The following CPVL variants were observed in gnomAD, a reference collection of about 807,000 sequenced individuals.
The protein encoded by CPVL is carboxypeptidase vitellogenic like.
Under a neutral mutation model 63.7 loss-of-function variants are expected in CPVL, and 51 were observed. The ratio of observed to expected loss-of-function variants is 0.80; its 90% confidence interval spans 0.64 to 1.01. CPVL has a LOEUF of 1.01. Among genes scored for constraint, CPVL ranks in the 50% least tolerant of loss-of-function variants. The pLI is 0.00. For synonymous variants in CPVL, 195 were observed against 206.0 expected, an observed-to-expected ratio of 0.95 and a Z score of 0.46; for missense variants, 530 against 573.1, an observed-to-expected ratio of 0.92 and a Z score of 0.77.
chr7:29,090,426 G>T (rs1785648999), intron 6 of CPVL, among the ~76,000 whole-genome samples: 1 of 152,328 alleles, frequency 6.6e-6, no homozygotes, highest in Admixed American at 6.5e-5. Flanking sequence ...TTGCTATGAA[G>T]CTTTGTTTAG....
intron 5 of CPVL, among the ~76,000 whole-genome samples, chr7:29,160,710 A>G (rs79358379): frequency 0.017 from 2,615 of 152,276 alleles, 66 homozygotes; most frequent in African/African-American, 0.057. Flanking sequence ...TCTTGTGACC[A>G]TGAGGAAAAA....
intron 1 of CPVL, among the ~76,000 whole-genome samples, chr7:29,139,528 T>C (rs1791616826): frequency 6.8e-6 from 1 of 147,900 alleles, no homozygotes; most frequent in African/African-American, 2.5e-5. Context: ...GAAAGGCTAT[T>C]CTTGGGGGGG....
At chr7:29,148,096 G>A (rs537135302), upstream of CPVL, among the ~76,000 whole-genome samples, 106 of 152,286 alleles carry the variant, frequency 7.0e-4, no homozygotes, top group South Asian at 2.7e-3. Flanking sequence ...AGCAATGTTC[G>A]CCCATGGGAG....
intron 5 of CPVL, among the ~76,000 whole-genome samples, chr7:29,161,796 A>G (rs879580481): frequency 2.0e-5 from 3 of 152,266 alleles, no homozygotes; most frequent in Non-Finnish European, 2.9e-5. Flanking sequence ...AGATTTATCT[A>G]TAGAATATAT....
chr7:29,106,435 CAG>C (rs2128624278), intron 3 of CPVL, among the ~76,000 whole-genome samples: 1 of 152,152 alleles, frequency 6.6e-6, no homozygotes, highest in South Asian at 2.1e-4. Flanking sequence ...ATAGCTAAGG[CAG>C]AGTGTCACTG....
At chr7:28,999,571 A>G (rs919255740) in intron 12 of CPVL, among the ~76,000 whole-genome samples, 1 of 152,168 alleles carries the variant, frequency 6.6e-6, no homozygotes, top group Non-Finnish European at 1.5e-5. Context: ...TTACTCACGC[A>G]CATGCGCACT....
chr7:29,096,308 G>GT (rs1366769668), intron 3 of CPVL, 91 bp from the exon 4 acceptor site: 2 of 1,003,818 alleles, frequency 2.0e-6, no homozygotes, highest in African/African-American at 3.2e-5. Flanking sequence ...TCCTCTCTGT[G>GT]TTACAGGGCT....
At position 29,121,062 on chromosome 7, in the gene CPVL, C is replaced by A. The variant is rs762737193; in HGVS notation, c.-1G>T. The A allele has an allele frequency of 8.2e-6, 13 of 1,594,678 alleles. No individual in the cohort carries two copies. Among genetic ancestry groups the A allele is most frequent in the Admixed American group, 1.8e-5 (1 of 54,228 alleles). ...TCACCTTCCACATGGCACCAACCATCTCTCAGGGTCTAGGATAAAAACAGC... is the reference window on the plus strand; with the variant it reads ...TCACCTTCCACATGGCACCAACCATATCTCAGGGTCTAGGATAAAAACAGC... On this transcript the variant is annotated 5_prime_UTR_variant, in exon 2 of 13. Transcript: ENST00000265394.
chr7:29,118,945 G>A (rs976018378), intron 2 of CPVL, among the ~76,000 whole-genome samples: 1 of 152,000 alleles, frequency 6.6e-6, no homozygotes, highest in African/African-American at 2.4e-5. Flanking sequence ...TCCAACAATG[G>A]TTCCCCAAAC....
chr7:29,037,425 C>T (rs542638226), intron 11 of CPVL, among the ~76,000 whole-genome samples: 181 of 151,188 alleles, frequency 1.2e-3, no homozygotes, highest in Non-Finnish European at 1.7e-3. Flanking sequence ...TGGTGGTGGG[C>T]GCCTGTAGTC....
intron 3 of CPVL, among the ~76,000 whole-genome samples, chr7:29,103,243 G>GTT (rs1787375535): frequency 2.9e-4 from 16 of 55,548 alleles, no homozygotes; most frequent in South Asian, 1.5e-3. Context: ...CATAATTGTT[G>GTT]TTTTGTTTTT....
At chr7:29,033,335 C>G (rs1788216400) in intron 11 of CPVL, among the ~76,000 whole-genome samples, 1 of 152,152 alleles carries the variant, frequency 6.6e-6, no homozygotes, top group South Asian at 2.1e-4. Flanking sequence ...AGTGGCTGAG[C>G]ATGAGAAGCA....
chr7:29,139,460 A>G (rs915465186), intron 1 of CPVL, among the ~76,000 whole-genome samples: 2 of 146,250 alleles, frequency 1.4e-5, no homozygotes, highest in African/African-American at 5.0e-5. Context: ...CATCTGCTCT[A>G]GGTGCCCTGA....
At chr7:29,180,425 G>T (rs531169082) in intron 5 of CPVL, among the ~76,000 whole-genome samples, 1 of 152,210 alleles carries the variant, frequency 6.6e-6, no homozygotes, top group South Asian at 2.1e-4. Context: ...TACTCAGGAG[G>T]CTGAGGCAGG....
chr7:29,032,961 T>A (rs998066813), intron 11 of CPVL, among the ~76,000 whole-genome samples: 4 of 152,212 alleles, frequency 2.6e-5, no homozygotes, highest in Non-Finnish European at 5.9e-5. Context: ...CTTATCTTGT[T>A]AGTCAAGACT....
At position 29,065,553 on chromosome 7, in the gene CPVL, G is replaced by T. The variant is rs116416090; in HGVS notation, c.963+470C>A. On this transcript the variant is annotated intron_variant, in intron 10 of 12. Coordinates refer to ENST00000265394, the MANE Select transcript of CPVL (RefSeq NM_031311.5). ...AATATTCCAGAAGGCTTGAAGTGAG[G>T]GCCATACTAAATGCATTAAACATCT... 7.7e-3 allele frequency among the ~76,000 whole-genome samples: 1,175 copies of T among 152,126 alleles called. 15 individuals are homozygous for T. The highest frequency in any genetic ancestry group is 0.027 in the African/African-American group (1,101 of 41,492).
intron 1 of CPVL, among the ~76,000 whole-genome samples, chr7:29,139,791 C>T (rs1791661019): frequency 1.3e-5 from 2 of 152,076 alleles, no homozygotes; most frequent in Admixed American, 6.6e-5. Context: ...CATTCTCCTG[C>T]CAGCCAAGTT....
At chr7:29,145,376 T>C (rs245875) in intron 1 of CPVL, among the ~76,000 whole-genome samples, 2 of 151,586 alleles carry the variant, frequency 1.3e-5, no homozygotes, top group Non-Finnish European at 2.9e-5. Context: ...GAAGATAAGT[T>C]ACGTCCCTGA....
intron 12 of CPVL, among the ~76,000 whole-genome samples, chr7:28,999,271 G>A (rs549391429): frequency 6.6e-6 from 1 of 152,082 alleles, no homozygotes. Context: ...AAAAATACCT[G>A]AGCTCATTAA....
Sources: allele counts gnomAD v4.1 joint callset (sites outside exome capture counted in the v4.1 genomes callset), GRCh38; gene constraint gnomAD v4.1.1; transcripts MANE v1.5; gene names NCBI Gene and HGNC (gene_info 2026-07-23, HGNC 2026-07-21).